The following FHOD3 variants were observed in gnomAD, a reference collection of about 807,000 sequenced individuals.
FHOD3 encodes the protein FH1/FH2 domain-containing protein 3.
In FHOD3, 90 loss-of-function variants were observed where a neutral mutation model predicts 173.0. The ratio of observed to expected loss-of-function variants is 0.52; its 90% confidence interval spans 0.44 to 0.62. The LOEUF (loss-of-function observed/expected upper bound fraction) is 0.62. FHOD3 is among the 20% of genes least tolerant of loss of function. The probability of loss-of-function intolerance (pLI) is 0.00; values close to 1 mark genes in which losing one functional copy is unlikely to be tolerated. For synonymous variants in FHOD3, 828 were observed against 823.0 expected, an observed-to-expected ratio of 1.01 and a Z score of -0.10; for missense variants, 1,945 against 2,034.7, an observed-to-expected ratio of 0.96 and a Z score of 0.85.
rs146905679 is a variant in FHOD3 at position 36,361,079 on chromosome 18, T to A, written c.272+5434T>A. 7.9e-5 allele frequency among the ~76,000 whole-genome samples: 12 copies of A among 152,212 alleles called. No individual in the cohort carries two copies. In the South Asian group the frequency reaches 1.7e-3, roughly 21 times the overall value. On this transcript the variant is annotated intron_variant, in intron 2 of 28. Transcript: ENST00000590592. ...ACGTTCCCTGATTTTTTTTTTCCTC[T>A]TAAGGTAGTTATCCTGAGTGGAGGG... is the stretch of plus-strand genomic sequence containing the variant.
intron 3 of FHOD3, among the ~76,000 whole-genome samples, chr18:36,406,425 C>G (rs1023628730): frequency 1.3e-5 from 2 of 152,226 alleles, no homozygotes; most frequent in Non-Finnish European, 2.9e-5. Flanking sequence ...TCAAAACAGC[C>G]TTGGCATGTG....
At position 36,463,547 on chromosome 18, in the gene FHOD3, G is replaced by A. The variant is rs75527980; in HGVS notation, c.338-38385G>A. 8.6e-3 allele frequency among the ~76,000 whole-genome samples: 1,038 copies of A among 120,782 alleles called. 12 individuals carry two copies. The highest frequency in any genetic ancestry group is 0.031 in the African/African-American group (998 of 31,926). The allele number at this position is 120,782 out of a possible 152,430, so 79.2% of individuals were successfully genotyped here. A position where few individuals can be genotyped will look rare whatever the true frequency, so the allele number is the denominator to read the frequency against. ...GAATCTTGCCATGTCGCCCCAGGCT[G>A]GAGTGCAGTGGTGTTATCTCGGCTT... On this transcript the variant is annotated intron_variant, in intron 3 of 28. Transcript: ENST00000590592.
chr18:36,512,181 G>A (rs762764332), intron 4 of FHOD3, among the ~76,000 whole-genome samples: 4 of 152,226 alleles, frequency 2.6e-5, no homozygotes, highest in Admixed American at 6.5e-5. Flanking sequence ...AATATTTCTG[G>A]CAGTGAGGAG....
At chr18:36,402,506 TACACACACACACACACAC>T (rs146120105) in intron 3 of FHOD3, among the ~76,000 whole-genome samples, 2 of 143,904 alleles carry the variant, frequency 1.4e-5, no homozygotes, top group East Asian at 2.0e-4. Context: ...GATGCAATTA[TACACACACACACACACAC>T]ACACACACAC....
At chr18:36,614,331 T>G (rs2032989581) in intron 9 of FHOD3, among the ~76,000 whole-genome samples, 1 of 152,258 alleles carries the variant, frequency 6.6e-6, no homozygotes, top group African/African-American at 2.4e-5. Context: ...AATCACTACT[T>G]TGTTCATAGT....
chr18:36,706,829 T>G (rs1051004636), intron 17 of FHOD3, among the ~76,000 whole-genome samples: 1 of 152,220 alleles, frequency 6.6e-6, no homozygotes, highest in African/African-American at 2.4e-5. Context: ...CATGCTGGGC[T>G]GTTGGAAACA....
chr18:36,716,701 C>A (rs181327269), intron 18 of FHOD3, among the ~76,000 whole-genome samples: 169 of 152,250 alleles, frequency 1.1e-3, no homozygotes, highest in African/African-American at 3.8e-3. Flanking sequence ...ACACAAAAGT[C>A]ACTGGTACCT....
At chr18:36,457,889 A>G (rs571825316) in intron 3 of FHOD3, among the ~76,000 whole-genome samples, 1 of 152,326 alleles carries the variant, frequency 6.6e-6, no homozygotes, top group East Asian at 1.9e-4. Flanking sequence ...TAGCCTCATT[A>G]TCTACATGCT....
chr18:36,354,504 G>A (rs1468670459), intron 1 of FHOD3, among the ~76,000 whole-genome samples: 1 of 152,158 alleles, frequency 6.6e-6, no homozygotes, highest in Non-Finnish European at 1.5e-5. Context: ...ATAAATGTTT[G>A]TTAAACAAAA....
At chr18:36,366,240 A>G (rs567172009) in intron 2 of FHOD3, among the ~76,000 whole-genome samples, 1 of 152,330 alleles carries the variant, frequency 6.6e-6, no homozygotes, top group East Asian at 1.9e-4. Context: ...TGAAGAGAGA[A>G]CGAGAAAAAG....
chr18:36,581,872 T>C (rs1006225797), intron 6 of FHOD3, among the ~76,000 whole-genome samples: 1 of 150,612 alleles, frequency 6.6e-6, no homozygotes, highest in Middle Eastern at 3.2e-3. Context: ...GGAGGGGAAA[T>C]TGACAGGGAT....
intron 5 of FHOD3, among the ~76,000 whole-genome samples, chr18:36,519,784 T>C (rs569381279): frequency 1.3e-5 from 2 of 152,274 alleles, no homozygotes; most frequent in African/African-American, 2.4e-5. Context: ...CTTTACCTCA[T>C]TGGGCAGCAA....
intron 15 of FHOD3, among the ~76,000 whole-genome samples, chr18:36,685,482 C>T (rs943076033): frequency 2.0e-5 from 3 of 152,166 alleles, no homozygotes; most frequent in Non-Finnish European, 4.4e-5. Flanking sequence ...TTATGCTCCT[C>T]GTGCTTTTTG....
intron 10 of FHOD3, among the ~76,000 whole-genome samples, chr18:36,647,584 T>C (rs2035776851): frequency 6.6e-6 from 1 of 152,116 alleles, no homozygotes; most frequent in Non-Finnish European, 1.5e-5. Flanking sequence ...GACCCAAAAA[T>C]TTCATCCCAA....
chr18:36,467,723 C>A (rs971120775), intron 3 of FHOD3, among the ~76,000 whole-genome samples: 1 of 152,226 alleles, frequency 6.6e-6, no homozygotes, highest in Non-Finnish European at 1.5e-5. Context: ...GTGCTTGGCA[C>A]ACACACGGCA....
At chr18:36,593,908 G>A (rs927510045) in intron 6 of FHOD3, among the ~76,000 whole-genome samples, 3 of 152,176 alleles carry the variant, frequency 2.0e-5, no homozygotes, top group South Asian at 2.1e-4. Flanking sequence ...GCTGTTTCTC[G>A]GCTGCACAGT....
chr18:36,382,495 G>A (rs2146302690), intron 3 of FHOD3, among the ~76,000 whole-genome samples: 1 of 152,316 alleles, frequency 6.6e-6, no homozygotes, highest in Non-Finnish European at 1.5e-5. Context: ...TGTAGGTTGG[G>A]GTTATGTGCT....
At chr18:36,684,386 C>T (rs756880547) in intron 15 of FHOD3, among the ~76,000 whole-genome samples, 16 of 151,514 alleles carry the variant, frequency 1.1e-4, no homozygotes, top group Non-Finnish European at 1.8e-4. Context: ...GATGGCTAAC[C>T]ACAAAGGACA....
chr18:36,335,961 C>T (rs1364072431), intron 1 of FHOD3, among the ~76,000 whole-genome samples: 1 of 152,180 alleles, frequency 6.6e-6, no homozygotes, highest in African/African-American at 2.4e-5. Flanking sequence ...ACGGGCATCT[C>T]GCTGGGAGAA....
Sources: allele counts gnomAD v4.1 joint callset (sites outside exome capture counted in the v4.1 genomes callset), GRCh38; gene constraint gnomAD v4.1.1; transcripts MANE v1.5; gene names NCBI Gene and HGNC (gene_info 2026-07-23, HGNC 2026-07-21).